The following LPCAT2 variants were observed in gnomAD, a reference collection of about 807,000 sequenced individuals.
The protein encoded by LPCAT2 is 1-AGP acyltransferase 11.
In LPCAT2, 58 loss-of-function variants were observed where a neutral mutation model predicts 64.7. That is an observed-to-expected ratio of 0.90 (90% confidence interval 0.73 to 1.12). The LOEUF is 1.12. Among genes scored for constraint, LPCAT2 ranks in the 50% most tolerant of loss-of-function variants. The pLI is 0.00. For synonymous variants in LPCAT2, 252 were observed against 245.3 expected (o/e 1.03, Z -0.26); for missense variants, 579 against 669.8 (o/e 0.86, Z 1.50).
At chr16:55,541,469 T>G (rs1203678569) in intron 8 of LPCAT2, 1 of 154,324 alleles carries the variant, frequency 6.5e-6, no homozygotes, top group African/African-American at 2.4e-5. Flanking sequence ...TACAATTATT[T>G]GTAGTTTTTA....
chr16:55,563,581 A>T (rs1329384883), intron 11 of LPCAT2, among the ~76,000 whole-genome samples: 1 of 151,990 alleles, frequency 6.6e-6, no homozygotes, highest in African/African-American at 2.4e-5. Context: ...AACACAGCAT[A>T]TTCTCAGAAT....
At chr16:55,567,847 G>A (rs1286645849) in intron 11 of LPCAT2, among the ~76,000 whole-genome samples, 1 of 152,034 alleles carries the variant, frequency 6.6e-6, no homozygotes, top group East Asian at 1.9e-4. Context: ...CTTTATTATT[G>A]TTGTTATTGT....
intron 11 of LPCAT2, among the ~76,000 whole-genome samples, chr16:55,569,783 A>T (rs1402531795): frequency 1.3e-5 from 2 of 152,192 alleles, no homozygotes; most frequent in Non-Finnish European, 2.9e-5. Context: ...AAAAATCTGG[A>T]CTTTTTCCAA....
intron 11 of LPCAT2, among the ~76,000 whole-genome samples, chr16:55,568,343 C>T (rs893494348): frequency 3.3e-5 from 5 of 152,168 alleles, no homozygotes; most frequent in African/African-American, 4.8e-5. Context: ...GTGTCTTGTC[C>T]TGCCTTAGAG....
intron 7 of LPCAT2, among the ~76,000 whole-genome samples, chr16:55,537,266 C>T (rs1963334856): frequency 6.6e-6 from 1 of 152,044 alleles, no homozygotes; most frequent in Non-Finnish European, 1.5e-5. Context: ...TGGCTCACAC[C>T]TGTAGTCTCA....
chr16:55,545,876 G>A (rs1180680229), intron 9 of LPCAT2, 59 bp downstream of exon 9: 34 of 1,350,054 alleles, frequency 2.5e-5, no homozygotes, highest in Middle Eastern at 1.8e-4. Context: ...TGTGCATGTC[G>A]TTTAACTCAT....
chr16:55,570,558 C>T (rs144734359), intron 11 of LPCAT2, among the ~76,000 whole-genome samples: 2 of 152,068 alleles, frequency 1.3e-5, no homozygotes, highest in East Asian at 3.9e-4. Context: ...CGCTTGAGCC[C>T]GGGGGGTCCA....
At chr16:55,557,259 CTCTCTG>C (rs1378442046) in intron 11 of LPCAT2, among the ~76,000 whole-genome samples, 35 of 152,100 alleles carry the variant, frequency 2.3e-4, no homozygotes, top group Admixed American at 6.5e-4. Flanking sequence ...GTCTCTCTAT[CTCTCTG>C]TCTCTGTCTC....
intron 2 of LPCAT2, chr16:55,526,046 T>G (rs1466031088): frequency 1.3e-5 from 2 of 152,868 alleles, no homozygotes; most frequent in African/African-American, 4.8e-5. Flanking sequence ...TCACATTTGC[T>G]TTTCTCCCTC....
intron 11 of LPCAT2, among the ~76,000 whole-genome samples, chr16:55,553,813 T>G (rs1353411735): frequency 2.6e-5 from 4 of 152,200 alleles, no homozygotes; most frequent in Non-Finnish European, 5.9e-5. Flanking sequence ...GCTATAGCCT[T>G]ATAGCATTTC....
At chr16:55,519,440 C>T (rs144932291) in intron 1 of LPCAT2, among the ~76,000 whole-genome samples, 2,866 of 148,154 alleles carry the variant, frequency 0.019, 78 homozygotes, top group African/African-American at 0.066. Flanking sequence ...ACCTGGGAGG[C>T]GGAGATTGCA....
Position 55,582,992 on chromosome 16 carries a change from A to T in LPCAT2, c.1529A>T (p.His510Leu), listed in dbSNP as rs2142428871. The T allele has an allele frequency of 6.2e-7, 1 of 1,613,786 alleles. No individual in the cohort carries two copies. The change falls in exon 14 of 14, where the codon CAT becomes CTT. Residue 510 changes from histidine (H) to leucine (L), a missense_variant. Coordinates refer to ENST00000262134, the MANE Select transcript of LPCAT2 (RefSeq NM_017839.5). ...FTTYLDLQTC[H>L]VFSLPKEVQT... is the part of the protein sequence containing the mutation. ...ACATACCTAGACCTCCAGACGTGCC[A>T]TGTGTTTTCATTACCAAAAGAAGTC...
intron 8 of LPCAT2, 181 bp from the exon 9 acceptor site, chr16:55,545,554 A>G: frequency 2.1e-6 from 1 of 482,878 alleles, no homozygotes; most frequent in Non-Finnish European, 3.7e-6. Context: ...TTAACACACA[A>G]GCAGACCCAG....
chr16:55,551,841 C>T (rs551857493), intron 11 of LPCAT2, among the ~76,000 whole-genome samples: 1 of 152,176 alleles, frequency 6.6e-6, no homozygotes, highest in Admixed American at 6.5e-5. Flanking sequence ...CCCAGCTACT[C>T]AGGAGGCTGA....
At chr16:55,517,036 T>A (rs1489322935) in intron 1 of LPCAT2, among the ~76,000 whole-genome samples, 1 of 151,886 alleles carries the variant, frequency 6.6e-6, no homozygotes, top group Non-Finnish European at 1.5e-5. Flanking sequence ...AACCAGTGAT[T>A]CCAAAGTAAT....
intron 11 of LPCAT2, among the ~76,000 whole-genome samples, chr16:55,556,085 G>T (rs1409645333): frequency 3.9e-5 from 6 of 152,144 alleles, no homozygotes; most frequent in African/African-American, 1.2e-4. Context: ...AAAGTGCTGG[G>T]ATTACAGGTG....
At chr16:55,566,715 A>G (rs746326321) in intron 11 of LPCAT2, 3 of 1,555,164 alleles carry the variant, frequency 1.9e-6, no homozygotes, top group Admixed American at 4.0e-5. Flanking sequence ...TTTTCATACC[A>G]TCTCTAAGAT....
Position 55,584,326 on chromosome 16 carries a change from C to T in LPCAT2, c.*1228C>T, listed in dbSNP as rs1963921298. The T allele has an allele frequency of 6.6e-6, 1 of 152,090 alleles. No individual in the cohort carries two copies. Among genetic ancestry groups the T allele is most frequent in the African/African-American group, 2.4e-5 (1 of 41,412 alleles). 9.4% of individuals were successfully genotyped at this position (152,090 alleles called of 1,614,324 possible). A position where few individuals can be genotyped will look rare whatever the true frequency, so the allele number is the denominator to read the frequency against. ...TGTGTGAAATATCTCCCAGAAAACA[C>T]AAAAGGTTTCAAGGTATCACCCAAA... On this transcript the variant is annotated 3_prime_UTR_variant, in exon 14 of 14. Coordinates refer to ENST00000262134, the MANE Select transcript of LPCAT2 (RefSeq NM_017839.5).
At chr16:55,522,951 ATAAAT>A (rs1311159838) in intron 1 of LPCAT2, among the ~76,000 whole-genome samples, 1 of 151,758 alleles carries the variant, frequency 6.6e-6, no homozygotes, top group African/African-American at 2.4e-5. Flanking sequence ...ATAAAAATTA[ATAAAT>A]TAAACTTCAT....
Sources: allele counts gnomAD v4.1 joint callset (sites outside exome capture counted in the v4.1 genomes callset), GRCh38; gene constraint gnomAD v4.1.1; transcripts MANE v1.5; gene names NCBI Gene and HGNC (gene_info 2026-07-23, HGNC 2026-07-21).